TTC17: variants seen among roughly 807,000 people sequenced by gnomAD.
TTC17 encodes tetratricopeptide repeat domain 17, also known as tetratricopeptide repeat protein 17.
A neutral mutation model predicts 143.8 loss-of-function variants in TTC17; 58 were observed. That is an observed-to-expected ratio of 0.40 (90% CI 0.33 to 0.50). The LOEUF is 0.50. Among genes scored for constraint, TTC17 ranks in the 20% least tolerant of loss-of-function variants. The pLI is 0.49. For missense variants in TTC17, 1,273 were observed against 1,392.5 expected (o/e 0.91, Z 1.37); for synonymous variants, 501 against 497.8 (o/e 1.01, Z -0.09).
At chr11:43,415,273 C>T (rs527604766) in intron 16 of TTC17, among the ~76,000 whole-genome samples, 42 of 152,224 alleles carry the variant, frequency 2.8e-4, no homozygotes, top group South Asian at 4.2e-4. Flanking sequence ...TTCTTCCACT[C>T]CCTCCCACAG....
chr11:43,379,052 C>G (rs143552766), intron 1 of TTC17, 181 bp from the exon 2 acceptor site: 24 of 592,880 alleles, frequency 4.0e-5, no homozygotes, highest in African/African-American at 2.7e-4. Flanking sequence ...AACTGTTGCA[C>G]TTGTCATTCC....
At chr11:43,399,783 A>G in intron 8 of TTC17, 105 bp from the exon 9 acceptor site, 1 of 1,133,678 alleles carries the variant, frequency 8.8e-7, no homozygotes, top group African/African-American at 1.6e-5. Flanking sequence ...AAAGGAAAAC[A>G]CACAGTAATT....
At chr11:43,389,256 G>T (rs1474485107) in intron 2 of TTC17, among the ~76,000 whole-genome samples, 1 of 152,130 alleles carries the variant, frequency 6.6e-6, no homozygotes, top group Non-Finnish European at 1.5e-5. Context: ...ATATTTTATG[G>T]TTGACAGGAA....
At chr11:43,445,455 T>C (rs1301442805) in intron 18 of TTC17, among the ~76,000 whole-genome samples, 3 of 152,248 alleles carry the variant, frequency 2.0e-5, no homozygotes, top group African/African-American at 7.2e-5. Context: ...AGGTGATTTT[T>C]ATTTTCTTCT....
intron 2 of TTC17, among the ~76,000 whole-genome samples, chr11:43,388,868 T>G (rs1857270039): frequency 6.6e-6 from 1 of 151,334 alleles, no homozygotes; most frequent in African/African-American, 2.4e-5. Context: ...CCCAGCTATT[T>G]AGGGGGCTGA....
intron 1 of TTC17, chr11:43,369,963 A>C: frequency 4.8e-6 from 2 of 414,504 alleles, no homozygotes; most frequent in Non-Finnish European, 9.5e-6. Context: ...TCAAAAAGTC[A>C]TAATTAACAA....
At chr11:43,363,073 G>A (rs191836622) in intron 1 of TTC17, among the ~76,000 whole-genome samples, 2 of 152,152 alleles carry the variant, frequency 1.3e-5, no homozygotes, top group South Asian at 2.1e-4. Flanking sequence ...TTTAAGCAGG[G>A]GTCCTTAACT....
intron 16 of TTC17, among the ~76,000 whole-genome samples, chr11:43,418,809 G>C (rs1946835874): frequency 6.6e-6 from 1 of 152,106 alleles, no homozygotes; most frequent in Non-Finnish European, 1.5e-5. Context: ...GAAATACATT[G>C]ATGTGGCATT....
intron 11 of TTC17, among the ~76,000 whole-genome samples, chr11:43,404,414 C>T (rs1382115850): frequency 1.3e-5 from 2 of 152,148 alleles, no homozygotes; most frequent in Non-Finnish European, 2.9e-5. Context: ...TATTACCAAC[C>T]TTAACAAGTT....
chr11:43,410,694 G>A (rs896103224), intron 15 of TTC17, among the ~76,000 whole-genome samples: 1 of 152,138 alleles, frequency 6.6e-6, no homozygotes, highest in Non-Finnish European at 1.5e-5. Context: ...CCACTTAGAT[G>A]TCTAAAGGGC....
chr11:43,405,712 TGAAAA>T, intron 12 of TTC17, 69 bp from the exon 13 acceptor site: 1 of 1,612,018 alleles, frequency 6.2e-7, no homozygotes, highest in Non-Finnish European at 8.5e-7. Flanking sequence ...GCCTTGGACT[TGAAAA>T]GTTAAGTCTT....
intron 16 of TTC17, among the ~76,000 whole-genome samples, chr11:43,423,736 A>G (rs995967856): frequency 2.6e-5 from 4 of 152,252 alleles, no homozygotes; most frequent in Non-Finnish European, 5.9e-5. Context: ...CTTTAGATTC[A>G]TTAAAGAAAA....
intron 2 of TTC17, among the ~76,000 whole-genome samples, chr11:43,379,879 T>C (rs573736718): frequency 6.6e-6 from 1 of 152,314 alleles, no homozygotes; most frequent in South Asian, 2.1e-4. Context: ...CTCTAACATA[T>C]TTCCATAAAT....
chr11:43,469,356 G>T (rs757329333), intron 21 of TTC17, among the ~76,000 whole-genome samples: 29 of 152,022 alleles, frequency 1.9e-4, no homozygotes, highest in Non-Finnish European at 7.4e-5. Context: ...CAGTAATTTT[G>T]CTGCTAGAAA....
intron 19 of TTC17, chr11:43,448,496 A>C (rs1475842047): frequency 6.0e-6 from 1 of 165,584 alleles, no homozygotes. Context: ...AAGACATAGT[A>C]GATGCCTCTG....
chr11:43,380,436 A>G (rs1002558965), intron 2 of TTC17, among the ~76,000 whole-genome samples: 1 of 152,128 alleles, frequency 6.6e-6, no homozygotes, highest in Admixed American at 6.5e-5. Context: ...TTGTGCTTTT[A>G]GTAGAGACGG....
chr11:43,451,030 T>A, intron 20 of TTC17, 152 bp from the exon 21 acceptor site: 1 of 614,976 alleles, frequency 1.6e-6, no homozygotes, highest in East Asian at 2.8e-5. Context: ...CTTAAATGTG[T>A]CTTCCATAGA....
chr11:43,476,427 G>T (rs1183349431), intron 21 of TTC17, among the ~76,000 whole-genome samples: 2 of 152,226 alleles, frequency 1.3e-5, no homozygotes, highest in Non-Finnish European at 2.9e-5. Flanking sequence ...AGAATGCATG[G>T]TGTATTCGTT....
intron 9 of TTC17, among the ~76,000 whole-genome samples, chr11:43,401,045 C>T (rs1203634527): frequency 6.6e-6 from 1 of 152,132 alleles, no homozygotes; most frequent in East Asian, 1.9e-4. Context: ...TTTGGAATTA[C>T]TTACTGCCCA....
Sources: gnomAD v4.1 joint callset for allele counts (sites outside exome capture counted in the v4.1 genomes callset) on GRCh38, gnomAD v4.1.1 for gene constraint, MANE v1.5 for transcripts, NCBI Gene and HGNC (gene_info 2026-07-23, HGNC 2026-07-21) for gene names.